Variants in AFF3 observed in about 807,000 individuals in gnomAD.
AFF3 encodes AF4/FMR2 family member 3.
A neutral mutation model predicts 129.7 loss-of-function variants in AFF3; 32 were observed. The observed-to-expected ratio is 0.25, with a 90% CI of 0.19 to 0.33. The LOEUF is 0.33. AFF3 is among the 10% of genes least tolerant of loss of function. AFF3 has a pLI of 1.00. For synonymous variants in AFF3, 644 were observed against 635.4 expected (o/e 1.01, Z -0.20); for missense variants, 1,373 against 1,592.0 (o/e 0.86, Z 2.34).
chr2:99,677,122 T>A (rs781138088), intron 11 of AFF3, among the ~76,000 whole-genome samples: 1 of 151,650 alleles, frequency 6.6e-6, no homozygotes, highest in Non-Finnish European at 1.5e-5. Context: ...ATATAAAAAT[T>A]AGACAGACAT....
At chr2:99,970,951 G>A (rs542228505) in intron 7 of AFF3, among the ~76,000 whole-genome samples, 3 of 152,294 alleles carry the variant, frequency 2.0e-5, no homozygotes, top group African/African-American at 7.2e-5. Context: ...AAGTGTCTAC[G>A]TCTATAATAC....
intron 11 of AFF3, among the ~76,000 whole-genome samples, chr2:99,698,443 A>G (rs1013621797): frequency 1.3e-5 from 2 of 152,218 alleles, no homozygotes; most frequent in South Asian, 2.1e-4. Flanking sequence ...TCAAGCTCCA[A>G]TCCCAGGGTG....
chr2:99,707,700 T>C, intron 11 of AFF3: 1 of 329,632 alleles, frequency 3.0e-6, no homozygotes, highest in Non-Finnish European at 4.2e-6. Flanking sequence ...GATGCCTGCC[T>C]TTTTTTTTTT....
At chr2:99,721,639 G>A (rs1678903757) in intron 11 of AFF3, among the ~76,000 whole-genome samples, 1 of 152,068 alleles carries the variant, frequency 6.6e-6, no homozygotes, top group African/African-American at 2.4e-5. Context: ...TTTGTGATGA[G>A]AATTCTTCAG....
At chr2:99,784,830 T>G (rs758774530) in intron 8 of AFF3, among the ~76,000 whole-genome samples, 2 of 152,226 alleles carry the variant, frequency 1.3e-5, no homozygotes, top group South Asian at 4.1e-4. Flanking sequence ...GTGATCTCTA[T>G]AGGCTGATCT....
chr2:99,740,850 T>G (rs1680663985), intron 10 of AFF3, among the ~76,000 whole-genome samples: 1 of 152,082 alleles, frequency 6.6e-6, no homozygotes, highest in African/African-American at 2.4e-5. Flanking sequence ...TGGCTTTTGT[T>G]GCCATTTTGA....
At chr2:99,603,130 T>C (rs1048750832) in intron 13 of AFF3, among the ~76,000 whole-genome samples, 27 of 152,312 alleles carry the variant, frequency 1.8e-4, no homozygotes, top group Middle Eastern at 3.4e-3. Flanking sequence ...TTCCAGCCTG[T>C]TATTTGTGTC....
chr2:99,849,808 G>C (rs1194781294), intron 7 of AFF3, among the ~76,000 whole-genome samples: 2 of 152,202 alleles, frequency 1.3e-5, no homozygotes, highest in Non-Finnish European at 2.9e-5. Flanking sequence ...TGATTTCCCA[G>C]TGGGTAGAAG....
chr2:99,601,550 C>A lies in AFF3; in HGVS notation c.1256G>T (p.Ser419Ile). The A allele has an allele frequency of 6.7e-7, 1 of 1,493,794 alleles. No individual in the cohort carries two copies. Among genetic ancestry groups the A allele is most frequent in the Non-Finnish European group, 9.0e-7 (1 of 1,112,982 alleles). The allele number at this position is 1,493,794 out of a possible 1,614,324, so 92.5% of individuals were successfully genotyped here. A position where few individuals can be genotyped will look rare whatever the true frequency, so the allele number is the denominator to read the frequency against. The change falls in exon 14 of 25, where the codon AGC becomes ATC. Residue 419 changes from serine to isoleucine, a missense_variant. By Grantham distance (142) the Ser-to-Ile change is moderately radical. This residue lies in a region of AFF3 where 413 missense variants were observed against 424.4 expected (regional missense o/e 0.97). Coordinates refer to ENST00000672756, the MANE Select transcript of AFF3 (RefSeq NM_001386135.1). ...SSKGSSSSSS[S>I]GSSSSSSDSE... ...GTCGCTGGAGGAGCTGCTGCTGCCG[C>A]TGCTGCTGCTGCTGCTGCTGCCCTT...
chr2:100,065,529 A>C (rs1362829169), intron 4 of AFF3, among the ~76,000 whole-genome samples: 3 of 152,226 alleles, frequency 2.0e-5, no homozygotes, highest in Non-Finnish European at 4.4e-5. Flanking sequence ...TTACAACATA[A>C]ACTGTTTTGC....
intron 10 of AFF3, among the ~76,000 whole-genome samples, chr2:99,733,142 G>A (rs1679968880): frequency 6.6e-6 from 1 of 151,954 alleles, no homozygotes; most frequent in Non-Finnish European, 1.5e-5. Context: ...CACTTTGGGA[G>A]GCCGAGGCAG....
At chr2:99,632,156 C>T (rs1683182989) in intron 13 of AFF3, among the ~76,000 whole-genome samples, 1 of 151,712 alleles carries the variant, frequency 6.6e-6, no homozygotes, top group Admixed American at 6.6e-5. Flanking sequence ...GCTGGGATTA[C>T]AGGCACCCAC....
chr2:99,644,210 C>G (rs1241674512), intron 13 of AFF3, among the ~76,000 whole-genome samples: 1 of 152,204 alleles, frequency 6.6e-6, no homozygotes, highest in African/African-American at 2.4e-5. Context: ...ATCTCCAAGG[C>G]TATAAAAATG....
At chr2:99,989,857 GATC>G (rs1401385634) in intron 7 of AFF3, among the ~76,000 whole-genome samples, 6 of 152,296 alleles carry the variant, frequency 3.9e-5, no homozygotes, top group East Asian at 3.9e-4. Context: ...TTGAAAGTAA[GATC>G]ATTATCAGGT....
At chr2:99,788,437 C>T (rs1393712516) in intron 8 of AFF3, among the ~76,000 whole-genome samples, 1 of 151,950 alleles carries the variant, frequency 6.6e-6, no homozygotes, top group East Asian at 1.9e-4. Flanking sequence ...ATGTGCTGTG[C>T]CTTTGATTTT....
At chr2:99,948,085 T>A (rs1675807065) in intron 7 of AFF3, among the ~76,000 whole-genome samples, 1 of 152,142 alleles carries the variant, frequency 6.6e-6, no homozygotes, top group East Asian at 1.9e-4. Flanking sequence ...GCTTCTCCAG[T>A]CCTCCATAAC....
intron 7 of AFF3, among the ~76,000 whole-genome samples, chr2:100,001,201 C>T (rs1048116613): frequency 9.2e-5 from 14 of 152,188 alleles, no homozygotes; most frequent in East Asian, 3.9e-4. Context: ...CCACCCTCCA[C>T]GCTTTCTGGT....
chr2:99,554,757 A>T, intron 22 of AFF3, 25 bp from the exon 23 acceptor site: 2 of 1,613,998 alleles, frequency 1.2e-6, no homozygotes, highest in Non-Finnish European at 1.7e-6. Context: ...AAACACTGAC[A>T]GTGAGTGCCA....
intron 7 of AFF3, among the ~76,000 whole-genome samples, chr2:99,966,707 A>G (rs1229111865): frequency 1.3e-5 from 2 of 148,398 alleles, no homozygotes; most frequent in Non-Finnish European, 3.0e-5. Flanking sequence ...AAAAAAAAAA[A>G]AAAAAAAAAA....
Sources: allele counts gnomAD v4.1 joint callset (sites outside exome capture counted in the v4.1 genomes callset), GRCh38; gene constraint gnomAD v4.1.1; regional missense constraint gnomAD v4.1.1; transcripts MANE v1.5; gene names NCBI Gene and HGNC (gene_info 2026-07-23, HGNC 2026-07-21).